Variants in DGKB observed in about 807,000 individuals in gnomAD.
DGKB encodes 90 kDa diacylglycerol kinase.
A neutral mutation model predicts 114.3 loss-of-function variants in DGKB; 67 were observed. That is an observed-to-expected ratio of 0.59 (90% CI 0.48 to 0.72). The LOEUF (loss-of-function observed/expected upper bound fraction) is 0.72, where lower values mean the gene tolerates loss of function less well. DGKB is among the 30% of genes least tolerant of loss of function. The pLI, the probability that DGKB is intolerant of heterozygous loss-of-function variation, is 0.00. For missense variants in DGKB, 907 were observed against 975.2 expected, an observed-to-expected ratio of 0.93 and a Z score of 0.93; for synonymous variants, 398 against 323.1, an observed-to-expected ratio of 1.23 and a Z score of -2.49.
At chr7:14,691,049 G>A (rs759245088) in intron 9 of DGKB, among the ~76,000 whole-genome samples, 1 of 152,146 alleles carries the variant, frequency 6.6e-6, no homozygotes, top group African/African-American at 2.4e-5. Flanking sequence ...ATTTGGTATA[G>A]AATCTGGTCC....
At chr7:14,177,796 A>G (rs897643131) in intron 24 of DGKB, among the ~76,000 whole-genome samples, 5 of 152,104 alleles carry the variant, frequency 3.3e-5, no homozygotes, top group African/African-American at 7.2e-5. Context: ...TCGTGCATCA[A>G]TATGTCCATG....
At chr7:14,300,135 A>G (rs1258814656) in intron 23 of DGKB, among the ~76,000 whole-genome samples, 1 of 152,128 alleles carries the variant, frequency 6.6e-6, no homozygotes, top group African/African-American at 2.4e-5. Context: ...TGTAGTTTCC[A>G]AAGTCCACCA....
At chr7:14,452,883 ATCAATCATT>A (rs1375634257) in intron 21 of DGKB, among the ~76,000 whole-genome samples, 12 of 152,106 alleles carry the variant, frequency 7.9e-5, no homozygotes, top group Non-Finnish European at 1.8e-4. Flanking sequence ...ATTACTGAAT[ATCAATCATT>A]TCCTCTACTT....
intron 6 of DGKB, among the ~76,000 whole-genome samples, chr7:14,705,468 C>A (rs972249482): frequency 2.0e-5 from 3 of 151,364 alleles, no homozygotes; most frequent in African/African-American, 7.3e-5. Context: ...ATACAGAGAA[C>A]GCCACAAAGA....
At chr7:14,637,992 G>A (rs1811063481) in intron 13 of DGKB, among the ~76,000 whole-genome samples, 1 of 151,762 alleles carries the variant, frequency 6.6e-6, no homozygotes, top group South Asian at 2.1e-4. Flanking sequence ...TGAACACAAA[G>A]AAGAATGATT....
At position 14,376,854 on chromosome 7, in the gene DGKB, G is replaced by C. The variant is rs983651178; in HGVS notation, c.1836-31463C>G. ...AATTGTAATCTTGTTCCTCGAAGCA[G>C]AAGTAAGCTTTTCTATAAAGGACCC... On this transcript the variant is annotated intron_variant, in intron 21 of 25. Coordinates refer to ENST00000402815, the MANE Select transcript of DGKB (RefSeq NM_001350709.2). Among the ~76,000 whole-genome samples the C allele has an allele frequency of 2.0e-5, 3 of 152,174 alleles. No homozygotes were observed. The South Asian group carries it at 6.2e-4, about 32-fold the overall frequency.
At chr7:14,691,808 C>G (rs1299518926) in intron 9 of DGKB, among the ~76,000 whole-genome samples, 3 of 151,546 alleles carry the variant, frequency 2.0e-5, no homozygotes, top group Non-Finnish European at 4.4e-5. Flanking sequence ...AATAAGGTGC[C>G]TCTGCCATCT....
chr7:14,492,539 T>C (rs188687794), intron 20 of DGKB, among the ~76,000 whole-genome samples: 15 of 152,172 alleles, frequency 9.9e-5, no homozygotes, highest in African/African-American at 3.4e-4. Context: ...ATTGACACAT[T>C]TGTTAGTGAG....
At position 14,838,664 on chromosome 7, in the gene DGKB, T is replaced by A. The variant is rs73280296; in HGVS notation, c.70+2530A>T. Among the ~76,000 whole-genome samples the A allele has an allele frequency of 1.4e-3, 220 of 152,294 alleles. 1 individual carries two copies. The highest frequency in any genetic ancestry group is 4.9e-3 in the African/African-American group (205 of 41,558). On this transcript the variant is annotated intron_variant, in intron 2 of 25. Coordinates refer to ENST00000402815, the MANE Select transcript of DGKB (RefSeq NM_001350709.2). ...CTTTCATGATCTACGTTATGCAGTC[T>A]ACACCAATACCCTACTAACTAGTCT...
intron 20 of DGKB, among the ~76,000 whole-genome samples, chr7:14,478,436 T>C (rs1782517061): frequency 6.6e-6 from 1 of 152,182 alleles, no homozygotes; most frequent in African/African-American, 2.4e-5. Context: ...ACGTAATAAT[T>C]TCACAATTGA....
intron 2 of DGKB, among the ~76,000 whole-genome samples, chr7:14,767,209 T>A (rs1836589903): frequency 6.6e-6 from 1 of 150,546 alleles, no homozygotes; most frequent in Non-Finnish European, 1.5e-5. Flanking sequence ...AATAAAAAAT[T>A]AAAAAAAAAA....
chr7:14,277,820 T>A (rs760766905), intron 23 of DGKB, among the ~76,000 whole-genome samples: 48 of 152,206 alleles, frequency 3.2e-4, no homozygotes, highest in Non-Finnish European at 5.6e-4. Context: ...GTAGTTCTAT[T>A]TTTATTTTTT....
chr7:14,834,717 A>C (rs964937458), intron 2 of DGKB, among the ~76,000 whole-genome samples: 1 of 152,112 alleles, frequency 6.6e-6, no homozygotes, highest in Non-Finnish European at 1.5e-5. Flanking sequence ...GACTTCGTAC[A>C]TTTTTCAGAC....
chr7:14,231,095 CTTTCTTTCTT>C lies in DGKB; in HGVS notation c.2123-52954_2123-52945del, dbSNP rs1562684278. Among the ~76,000 whole-genome samples the C allele has an allele frequency of 2.4e-3, 248 of 102,296 alleles. 2 individuals are homozygous for C. Among genetic ancestry groups the C allele is most frequent in the Non-Finnish European group, 3.3e-3 (167 of 50,534 alleles). The allele number at this position is 102,296 out of a possible 152,430, so 67.1% of individuals were successfully genotyped here. A position where few individuals can be genotyped will look rare whatever the true frequency, so the allele number is the denominator to read the frequency against. ...CTTTCTTCTTTCCCTTTCTTTCTTT[CTTTCTTTCTT>C]TCTTTCTTTCTTTCTTTCTTTCTTT... is the stretch of plus-strand genomic sequence containing the variant. On this transcript the variant is annotated intron_variant, in intron 23 of 25. Coordinates refer to ENST00000402815, the MANE Select transcript of DGKB (RefSeq NM_001350709.2).
chr7:14,867,091 G>A (rs1021689331), intron 1 of DGKB, among the ~76,000 whole-genome samples: 3 of 152,070 alleles, frequency 2.0e-5, no homozygotes, highest in Non-Finnish European at 2.9e-5. Flanking sequence ...TTTCCATATT[G>A]TTGAGTTTTA....
At chr7:14,822,524 T>G (rs942055086) in intron 2 of DGKB, among the ~76,000 whole-genome samples, 4 of 152,180 alleles carry the variant, frequency 2.6e-5, no homozygotes, top group African/African-American at 2.4e-5. Context: ...GTTAAAACTA[T>G]TGACCATTAG....
chr7:14,899,908 C>A (rs189118971), intron 1 of DGKB, among the ~76,000 whole-genome samples: 147 of 152,156 alleles, frequency 9.7e-4, no homozygotes, highest in Non-Finnish European at 1.8e-3. Flanking sequence ...TTAGTCACAT[C>A]GAGTGGTAAA....
At chr7:14,446,146 T>A (rs1324025383) in intron 21 of DGKB, among the ~76,000 whole-genome samples, 1 of 152,104 alleles carries the variant, frequency 6.6e-6, no homozygotes, top group African/African-American at 2.4e-5. Flanking sequence ...ATGAAGGCAA[T>A]TCCCTTTGAA....
intron 5 of DGKB, among the ~76,000 whole-genome samples, chr7:14,725,966 AT>A (rs1829964662): frequency 6.6e-6 from 1 of 152,170 alleles, no homozygotes; most frequent in Non-Finnish European, 1.5e-5. Context: ...ACACAATACT[AT>A]TTCAAATGAA....
Sources: gnomAD v4.1 joint callset for allele counts (sites outside exome capture counted in the v4.1 genomes callset) on GRCh38, gnomAD v4.1.1 for gene constraint, MANE v1.5 for transcripts, NCBI Gene and HGNC (gene_info 2026-07-23, HGNC 2026-07-21) for gene names.